Variants in HACL2 observed in about 807,000 individuals in gnomAD.
The protein encoded by HACL2 is 2-hydroxyacyl-CoA lyase 1 like.
the HACL2 span, chr19:15,123,397 A>G: frequency 6.2e-7 from 1 of 1,613,986 alleles, no homozygotes. The surrounding 1 kb of genome is among the most constrained non-coding windows in gnomAD (Gnocchi z 5.1). Context: ...CCATAGCATC[A>G]GCAGCAAAGA....
At chr19:15,125,016 G>T in the HACL2 span, 1 of 1,584,068 alleles carries the variant, frequency 6.3e-7, no homozygotes, top group Non-Finnish European at 8.6e-7. Context: ...CAGGAAGGAG[G>T]GGAATAAGCT....
At chr19:15,119,957 C>G in the HACL2 span, 4 of 1,504,168 alleles carry the variant, frequency 2.7e-6, no homozygotes, top group Non-Finnish European at 3.6e-6. Flanking sequence ...GTAGGGTCCT[C>G]AGACACAAAA....
chr19:15,122,982 G>A, the HACL2 span: 1 of 1,603,424 alleles, frequency 6.2e-7, no homozygotes, highest in Non-Finnish European at 8.5e-7. The surrounding 1 kb of genome is among the most constrained non-coding windows in gnomAD (Gnocchi z 4.0). Flanking sequence ...AACTTACAGA[G>A]TGGCCGGAAA....
the HACL2 span, among the ~76,000 whole-genome samples, chr19:15,121,479 G>A: frequency 1.3e-5 from 2 of 152,084 alleles, no homozygotes; most frequent in Non-Finnish European, 2.9e-5. Flanking sequence ...AGAGAAGGAG[G>A]AAGAAGAGGA....
the HACL2 span, chr19:15,123,271 GC>G: frequency 1.9e-6 from 3 of 1,611,326 alleles, no homozygotes; most frequent in African/African-American, 4.0e-5. The surrounding 1 kb of genome is among the most constrained non-coding windows in gnomAD (Gnocchi z 5.1). Context: ...TCACAGCCAT[GC>G]CCACTCTCTT....
At chr19:15,116,270 C>T in the HACL2 span, 3 of 1,613,956 alleles carry the variant, frequency 1.9e-6, no homozygotes, top group African/African-American at 1.3e-5. Context: ...CCACCAGCTG[C>T]AGCACCTGCA....
At chr19:15,119,417 C>T in the HACL2 span, 1 of 1,614,014 alleles carries the variant, frequency 6.2e-7, no homozygotes, top group Non-Finnish European at 8.5e-7. Flanking sequence ...GCGCTTCTCA[C>T]CGAAGCTTGT....
At chr19:15,120,154 GA>G in the HACL2 span, 3 of 1,007,850 alleles carry the variant, frequency 3.0e-6, no homozygotes, top group South Asian at 1.5e-5. Flanking sequence ...TCTGAGCAAG[GA>G]AAGGGGCCGG....
At chr19:15,115,845 G>A in the HACL2 span, 1 of 1,613,908 alleles carries the variant, frequency 6.2e-7, no homozygotes. Flanking sequence ...GGCCAGCCCA[G>A]TCACCTTGTG....
chr19:15,122,957 C>G, the HACL2 span: 1 of 1,604,346 alleles, frequency 6.2e-7, no homozygotes, highest in Non-Finnish European at 8.5e-7. This position sits in a 1 kb window ranked among gnomAD's most constrained non-coding sequence, Gnocchi z 4.0. Context: ...CCGCACCCTC[C>G]GCACAGACAC....
chr19:15,118,478 G>A, the HACL2 span, among the ~76,000 whole-genome samples: 46 of 152,202 alleles, frequency 3.0e-4, no homozygotes, highest in Non-Finnish European at 4.4e-4. Context: ...GGAGGAAACC[G>A]GAGCCACACA....
the HACL2 span, chr19:15,124,989 G>A: frequency 7.5e-6 from 12 of 1,602,540 alleles, no homozygotes; most frequent in Admixed American, 1.7e-5. Flanking sequence ...GGCCACCAGC[G>A]TCCCGCAGGC....
At chr19:15,117,975 G>A in the HACL2 span, 3 of 1,614,170 alleles carry the variant, frequency 1.9e-6, no homozygotes, top group Admixed American at 5.0e-5. Flanking sequence ...TGCTGTGGCT[G>A]AGGACACGGC....
At chr19:15,123,010 A>G in the HACL2 span, 1 of 1,603,938 alleles carries the variant, frequency 6.2e-7, no homozygotes, top group South Asian at 1.1e-5. The surrounding 1 kb of genome is among the most constrained non-coding windows in gnomAD (Gnocchi z 5.1). Context: ...GCTGATCAAC[A>G]GCCTGGAGCG....
chr19:15,122,913 C>T, the HACL2 span: 1 of 1,608,972 alleles, frequency 6.2e-7, no homozygotes, highest in Non-Finnish European at 8.5e-7. The surrounding 1 kb of genome is among the most constrained non-coding windows in gnomAD (Gnocchi z 4.0). Context: ...GACTGGGCGG[C>T]AGCCATCGCG....
the HACL2 span, among the ~76,000 whole-genome samples, chr19:15,118,342 G>A: frequency 6.6e-6 from 1 of 152,154 alleles, no homozygotes; most frequent in Non-Finnish European, 1.5e-5. Flanking sequence ...CCTTGAAAGT[G>A]ACACACCATG....
the HACL2 span, chr19:15,123,496 C>A: frequency 1.2e-6 from 2 of 1,614,182 alleles, no homozygotes; most frequent in South Asian, 1.1e-5. The surrounding 1 kb of genome is among the most constrained non-coding windows in gnomAD (Gnocchi z 5.1). Context: ...CACCGACCAG[C>A]GTGAAGATGA....
chr19:15,120,551 C>G, the HACL2 span, among the ~76,000 whole-genome samples: 3 of 152,232 alleles, frequency 2.0e-5, no homozygotes, highest in Non-Finnish European at 4.4e-5. Flanking sequence ...CTGCTTCAAA[C>G]AGGGTCTTCT....
the HACL2 span, among the ~76,000 whole-genome samples, chr19:15,121,886 C>G: frequency 6.7e-6 from 1 of 148,316 alleles, no homozygotes; most frequent in East Asian, 2.0e-4. Context: ...GGGCTCGAGT[C>G]TGGGCTCTGC....
Sources: allele counts gnomAD v4.1 joint callset (sites outside exome capture counted in the v4.1 genomes callset), GRCh38; gene constraint gnomAD v4.1.1; non-coding constraint Gnocchi (gnomAD v3.1); transcripts MANE v1.5; gene names NCBI Gene and HGNC (gene_info 2026-07-23, HGNC 2026-07-21).